The following CSRP2 variants were observed in gnomAD, a reference collection of about 807,000 sequenced individuals.
The protein encoded by CSRP2 is cysteine and glycine rich protein 2.
CSRP2 carries 18 observed loss-of-function variants against 24.6 expected under a neutral mutation model. The ratio of observed to expected loss-of-function variants is 0.73; its 90% CI spans 0.51 to 1.09. The LOEUF is 1.09. CSRP2 is among the 50% of genes least tolerant of loss of function. The pLI, the probability that CSRP2 is intolerant of heterozygous loss-of-function variation, is 0.00. For missense variants in CSRP2, 215 were observed against 239.4 expected (o/e 0.90, Z 0.67); for synonymous variants, 87 against 84.3 (o/e 1.03, Z -0.18).
chr12:76,873,710 A>G (rs1319460793), intron 1 of CSRP2, among the ~76,000 whole-genome samples: 1 of 152,196 alleles, frequency 6.6e-6, no homozygotes. Flanking sequence ...TGGGGACTCA[A>G]ATGATAGTAT....
At chr12:76,871,645 T>G (rs1056232840) in intron 1 of CSRP2, among the ~76,000 whole-genome samples, 12 of 151,782 alleles carry the variant, frequency 7.9e-5, no homozygotes, top group Non-Finnish European at 1.8e-4. Context: ...GTGCCTGTAG[T>G]CCCAGCTACT....
chr12:76,875,754 G>A (rs1009713018), intron 1 of CSRP2, among the ~76,000 whole-genome samples: 1 of 152,034 alleles, frequency 6.6e-6, no homozygotes, highest in African/African-American at 2.4e-5. Flanking sequence ...CCACATGACA[G>A]GTAATAATTA....
chr12:76,863,047 G>GA (rs1483497305), intron 3 of CSRP2, 129 bp downstream of exon 3: 1 of 1,442,792 alleles, frequency 6.9e-7, no homozygotes, highest in Non-Finnish European at 9.2e-7. Context: ...GTTGACATTA[G>GA]AAAATCAGAG....
Position 76,866,136 on chromosome 12 carries a change from G to C in CSRP2, c.112+13C>G, listed in dbSNP as rs1166013204. On this transcript the variant is annotated intron_variant, in intron 2 of 5. Coordinates refer to ENST00000311083, the MANE Select transcript of CSRP2 (RefSeq NM_001321.3). Reference sequence around the variant, plus strand: ...CAAATTCCGTCAAAGGTGGAGCATGGAGAGCTACTTACTGCAGAGAAAGCA... The same window carrying C: ...CAAATTCCGTCAAAGGTGGAGCATGCAGAGCTACTTACTGCAGAGAAAGCA... 2 of 1,591,366 alleles carry C rather than the reference G, an allele frequency of 1.3e-6. No homozygotes were observed. Among genetic ancestry groups the C allele is most frequent in the Non-Finnish European group, 1.7e-6 (2 of 1,159,530 alleles).
intron 4 of CSRP2, among the ~76,000 whole-genome samples, chr12:76,859,945 A>G (rs972172162): frequency 2.0e-5 from 3 of 152,292 alleles, no homozygotes; most frequent in East Asian, 1.9e-4. Context: ...ACTTTTCCAA[A>G]TCCACACACT....
intron 1 of CSRP2, among the ~76,000 whole-genome samples, chr12:76,876,304 C>T (rs549021886): frequency 2.0e-4 from 30 of 152,270 alleles, no homozygotes; most frequent in Admixed American, 1.2e-3. Context: ...CCAGATCATT[C>T]ACCATGTACT....
At chr12:76,872,307 G>A (rs146430868) in intron 1 of CSRP2, among the ~76,000 whole-genome samples, 1 of 152,330 alleles carries the variant, frequency 6.6e-6, no homozygotes, top group East Asian at 1.9e-4. Flanking sequence ...AGTCTGAGTC[G>A]TCTTATGGTA....
intron 1 of CSRP2, among the ~76,000 whole-genome samples, chr12:76,868,996 C>G (rs904708554): frequency 1.3e-5 from 2 of 151,378 alleles, no homozygotes; most frequent in Non-Finnish European, 2.9e-5. Flanking sequence ...CTACCCCTAT[C>G]TTAGTCTGTT....
In CSRP2 at chr12:76,863,611, G is replaced by C. The variant is rs555453782; in HGVS notation, c.113-267C>G. The C allele has an allele frequency of 1.8e-5, 6 of 334,160 alleles. No homozygotes were observed. In the East Asian group the frequency reaches 3.0e-4, roughly 17 times the overall value. The allele number at this position is 334,160 out of a possible 1,614,324, so 20.7% of individuals were successfully genotyped here. Reference sequence around the variant, plus strand: ...CCAGAAGCCTCAAGCTTTATTTTTAGTTTGTTTCGTTTATTTTTTATTCCC... The same window carrying C: ...CCAGAAGCCTCAAGCTTTATTTTTACTTTGTTTCGTTTATTTTTTATTCCC... On this transcript the variant is annotated intron_variant, in intron 2 of 5. Transcript: ENST00000311083.
At chr12:76,865,761 A>G in intron 2 of CSRP2, 1 of 164,840 alleles carries the variant, frequency 6.1e-6, no homozygotes, top group Non-Finnish European at 1.3e-5. Flanking sequence ...GAACCTGAGA[A>G]AGAGAAAGCT....
At chr12:76,865,798 T>C in intron 2 of CSRP2, 1 of 187,822 alleles carries the variant, frequency 5.3e-6, no homozygotes. Flanking sequence ...AATCATTTAC[T>C]CAAAAATGGG....
rs1953647627 is a variant in CSRP2 at position 76,859,008 on chromosome 12, C to T, written c.526G>A (p.Gly176Arg). The change falls in exon 6 of 6, where the codon GGG becomes AGG. Residue 176 changes from glycine to arginine, a missense_variant. Gly to Arg is a moderately radical substitution (Grantham distance 125). Transcript: ENST00000311083. ...YCKGCYAKNF[G>R]PKGFGYGQGA... is the part of the protein sequence containing the mutation. Reference sequence around the variant, plus strand: ...TGGCCATAGCCAAATCCCTTGGGCCCAAAGTTCTTTGCATAGCATCCTACA... The same window carrying T: ...TGGCCATAGCCAAATCCCTTGGGCCTAAAGTTCTTTGCATAGCATCCTACA... The T allele has an allele frequency of 1.2e-6, 2 of 1,614,076 alleles. No individual in the cohort carries two copies. Among genetic ancestry groups the T allele is most frequent in the Non-Finnish European group, 8.5e-7 (1 of 1,180,018 alleles).
intron 1 of CSRP2, among the ~76,000 whole-genome samples, chr12:76,872,782 C>G (rs1953813773): frequency 6.6e-6 from 1 of 152,210 alleles, no homozygotes; most frequent in South Asian, 2.1e-4. Flanking sequence ...CCCTGTGTCT[C>G]TGTACCGGGG....
chr12:76,870,851 T>C (rs143751872), intron 1 of CSRP2, among the ~76,000 whole-genome samples: 92 of 152,094 alleles, frequency 6.0e-4, no homozygotes, highest in African/African-American at 2.1e-3. Flanking sequence ...CACACACCTC[T>C]GGTCCCAGCT....
intron 3 of CSRP2, chr12:76,862,974 G>A: frequency 6.8e-7 from 1 of 1,464,664 alleles, no homozygotes; most frequent in Non-Finnish European, 9.0e-7. Flanking sequence ...AAAGCCAGAA[G>A]TAGAAATCAC....
intron 2 of CSRP2, 31 bp downstream of exon 2, chr12:76,866,118 C>A: frequency 6.5e-7 from 1 of 1,535,882 alleles, no homozygotes; most frequent in Non-Finnish European, 9.0e-7. Flanking sequence ...ATACAAATTC[C>A]GTCAAAGGTG....
intron 1 of CSRP2, among the ~76,000 whole-genome samples, chr12:76,867,332 TAAAAAA>T: frequency 1.0e-5 from 1 of 100,160 alleles, no homozygotes; most frequent in South Asian, 3.5e-4. Context: ...CTGCTAAATT[TAAAAAA>T]AAAAAAAAAA....
At chr12:76,864,058 TCC>T (rs1277431227) in intron 2 of CSRP2, 1 of 152,194 alleles carries the variant, frequency 6.6e-6, no homozygotes, top group Non-Finnish European at 1.5e-5. Context: ...TTCCCTTCTG[TCC>T]CAAAGGAGAA....
chr12:76,868,749 C>T (rs988687233), intron 1 of CSRP2, among the ~76,000 whole-genome samples: 12 of 151,972 alleles, frequency 7.9e-5, no homozygotes, highest in African/African-American at 2.4e-4. Flanking sequence ...ATTGAGACCA[C>T]GGTGAAACCC....
Sources: gnomAD v4.1 joint callset for allele counts (sites outside exome capture counted in the v4.1 genomes callset) on GRCh38, gnomAD v4.1.1 for gene constraint, MANE v1.5 for transcripts, NCBI Gene and HGNC (gene_info 2026-07-23, HGNC 2026-07-21) for gene names.